The following PTCHD4 variants were observed in gnomAD, a reference collection of about 807,000 sequenced individuals.
PTCHD4 encodes the protein patched domain-containing protein 4.
Under a neutral mutation model 58.1 loss-of-function variants are expected in PTCHD4, and 33 were observed. The observed-to-expected ratio is 0.57, with a 90% CI of 0.43 to 0.76. The LOEUF is 0.76. Among genes scored for constraint, PTCHD4 ranks in the 30% least tolerant of loss-of-function variants. PTCHD4 has a pLI of 0.00. For synonymous variants in PTCHD4, 478 were observed against 409.6 expected, an observed-to-expected ratio of 1.17 and a Z score of -2.02; for missense variants, 1,058 against 1,027.1, an observed-to-expected ratio of 1.03 and a Z score of -0.41.
At chr6:47,934,188 G>T (rs1024586790) in intron 4 of PTCHD4, among the ~76,000 whole-genome samples, 3 of 152,152 alleles carry the variant, frequency 2.0e-5, no homozygotes, top group African/African-American at 4.8e-5. Flanking sequence ...GCAGGGAGGA[G>T]CCGGGACCCT....
At chr6:47,958,114 T>C (rs529210389) in intron 4 of PTCHD4, among the ~76,000 whole-genome samples, 4 of 152,346 alleles carry the variant, frequency 2.6e-5, no homozygotes, top group African/African-American at 7.2e-5. Flanking sequence ...CTTAAATTAC[T>C]GTGGGTTTTG....
chr6:47,918,298 T>G (rs1256898936), intron 4 of PTCHD4, among the ~76,000 whole-genome samples: 1 of 152,160 alleles, frequency 6.6e-6, no homozygotes, highest in Admixed American at 6.5e-5. Flanking sequence ...AAAGATAGAA[T>G]GCTTTTGCAT....
At chr6:47,925,725 C>T (rs1581888328) in intron 4 of PTCHD4, among the ~76,000 whole-genome samples, 1 of 152,282 alleles carries the variant, frequency 6.6e-6, no homozygotes, top group Middle Eastern at 3.4e-3. Context: ...TCTTTGCTTC[C>T]CAATAAATTT....
At chr6:47,907,830 C>T (rs1764946422) in intron 4 of PTCHD4, among the ~76,000 whole-genome samples, 1 of 152,128 alleles carries the variant, frequency 6.6e-6, no homozygotes, top group African/African-American at 2.4e-5. Context: ...TTCAGAATCC[C>T]CTGTAGCCAG....
At chr6:48,103,697 T>A (rs1353478311) in intron 1 of PTCHD4, among the ~76,000 whole-genome samples, 1 of 146,708 alleles carries the variant, frequency 6.8e-6, no homozygotes, top group Non-Finnish European at 1.5e-5. Flanking sequence ...AGTTAAAAAC[T>A]TTGAAAAAAA....
chr6:48,052,786 C>T (rs1448480717), intron 3 of PTCHD4, among the ~76,000 whole-genome samples: 1 of 151,966 alleles, frequency 6.6e-6, no homozygotes, highest in Non-Finnish European at 1.5e-5. Flanking sequence ...TGTAAAATTT[C>T]CAGTTATCAG....
intron 4 of PTCHD4, among the ~76,000 whole-genome samples, chr6:47,909,108 G>A (rs762117852): frequency 1.3e-5 from 2 of 152,044 alleles, no homozygotes; most frequent in Admixed American, 6.6e-5. Context: ...CTAATATACA[G>A]GCTTAATGCT....
At chr6:47,978,846 C>T (rs1767783947) in intron 4 of PTCHD4, among the ~76,000 whole-genome samples, 1 of 152,082 alleles carries the variant, frequency 6.6e-6, no homozygotes, top group South Asian at 2.1e-4. Flanking sequence ...TCAGAAAGTA[C>T]ACAGACTCAT....
At chr6:47,896,255 G>T (rs1454580773) in intron 4 of PTCHD4, among the ~76,000 whole-genome samples, 1 of 152,198 alleles carries the variant, frequency 6.6e-6, no homozygotes, top group Non-Finnish European at 1.5e-5. Context: ...TGTGACAAAT[G>T]TGGTCCAGTC....
chr6:48,005,192 T>TA (rs1349875936), intron 4 of PTCHD4, among the ~76,000 whole-genome samples: 1 of 152,102 alleles, frequency 6.6e-6, no homozygotes, highest in African/African-American at 2.4e-5. Flanking sequence ...GGAGATGCAG[T>TA]ACAGAGGCAA....
intron 3 of PTCHD4, among the ~76,000 whole-genome samples, chr6:48,045,562 A>G (rs1764004915): frequency 6.6e-6 from 1 of 151,776 alleles, no homozygotes; most frequent in African/African-American, 2.4e-5. Flanking sequence ...ATAAGAGCTA[A>G]TATTTACTCA....
chr6:47,939,623 G>T (rs1766134095), intron 4 of PTCHD4, among the ~76,000 whole-genome samples: 1 of 152,096 alleles, frequency 6.6e-6, no homozygotes, highest in African/African-American at 2.4e-5. Flanking sequence ...TCCTTTGTGT[G>T]CAACGTGACC....
At chr6:47,890,218 T>TTA (rs368776375) in intron 4 of PTCHD4, among the ~76,000 whole-genome samples, 33 of 150,612 alleles carry the variant, frequency 2.2e-4, no homozygotes, top group East Asian at 5.8e-4. Context: ...TTTATATATA[T>TTA]TATATATATA....
chr6:47,939,655 G>A lies in PTCHD4; in HGVS notation c.899-59719C>T, dbSNP rs893709468. Among the ~76,000 whole-genome samples, 3 of 152,022 alleles carry A rather than the reference G, an allele frequency of 2.0e-5. No homozygotes were observed. The East Asian group carries it at 5.8e-4, about 29-fold the overall frequency. ...GACCTTGCACCAGTTGGTTACCTTT[G>A]TGTATCTGTTTCCTCATCTCTAAAG... On this transcript the variant is annotated intron_variant, in intron 4 of 4. Coordinates refer to ENST00000339488, the MANE Select transcript of PTCHD4 (RefSeq NM_001384253.1).
chr6:48,042,787 G>C (rs1335642131), intron 3 of PTCHD4, among the ~76,000 whole-genome samples: 1 of 151,878 alleles, frequency 6.6e-6, no homozygotes, highest in Non-Finnish European at 1.5e-5. Context: ...GCAGACATCT[G>C]ATATTGAAAA....
chr6:47,969,447 T>A (rs1398565798), intron 4 of PTCHD4, among the ~76,000 whole-genome samples: 2 of 152,238 alleles, frequency 1.3e-5, no homozygotes, highest in Non-Finnish European at 2.9e-5. Flanking sequence ...TTGTTGCATT[T>A]TTATTGGCTT....
At chr6:48,047,787 C>G (rs922765923) in intron 3 of PTCHD4, among the ~76,000 whole-genome samples, 9 of 151,774 alleles carry the variant, frequency 5.9e-5, no homozygotes, top group African/African-American at 2.2e-4. Flanking sequence ...GCACCAGGGG[C>G]TGGGGCCCAC....
chr6:47,880,025 C>G, intron 4 of PTCHD4, 89 bp from the exon 5 acceptor site: 1 of 1,010,770 alleles, frequency 9.9e-7, no homozygotes, highest in Non-Finnish European at 1.4e-6. Flanking sequence ...TGCTAAATGG[C>G]ACTTTATACT....
rs1384227543 is a variant in PTCHD4, at chr6:47,860,739, G to A, written c.*17564C>T. Among the ~76,000 whole-genome samples the A allele has an allele frequency of 6.6e-6, 1 of 151,844 alleles. No individual in the cohort carries two copies. The highest frequency in any genetic ancestry group is 6.6e-5 in the Admixed American group (1 of 15,222). On this transcript the variant is annotated 3_prime_UTR_variant, in exon 5 of 5. Transcript: ENST00000339488. ...AACATTTGAGAGACATAGGTAGAGG[G>A]TTAAAAACCCACTAGTCTACTAGTT...
Sources: gnomAD v4.1 joint callset for allele counts (sites outside exome capture counted in the v4.1 genomes callset) on GRCh38, gnomAD v4.1.1 for gene constraint, MANE v1.5 for transcripts, NCBI Gene and HGNC (gene_info 2026-07-23, HGNC 2026-07-21) for gene names.